Variants in RSRC1 observed in about 807,000 individuals in gnomAD.
RSRC1 encodes serine/Arginine-related protein 53.
RSRC1 carries 39 observed loss-of-function variants against 49.1 expected under a neutral mutation model. The observed-to-expected ratio is 0.79, with a 90% confidence interval of 0.61 to 1.04. The LOEUF (loss-of-function observed/expected upper bound fraction) is 1.04, where lower values mean the gene tolerates loss of function less well. RSRC1 is among the 50% of genes least tolerant of loss of function. The probability of loss-of-function intolerance (pLI) is 0.00; values close to 1 mark genes in which losing one functional copy is unlikely to be tolerated. For synonymous variants in RSRC1, 143 were observed against 130.8 expected (o/e 1.09, Z -0.63); for missense variants, 388 against 402.4 (o/e 0.96, Z 0.31).
At chr3:158,280,637 C>CTTTT (rs146925471) in intron 4 of RSRC1, among the ~76,000 whole-genome samples, 2 of 64,018 alleles carry the variant, frequency 3.1e-5, no homozygotes, top group African/African-American at 1.3e-4. Context: ...GAAGTGATTC[C>CTTTT]TTTTTTTTTT....
At chr3:158,189,693 G>T (rs1253326166) in intron 3 of RSRC1, among the ~76,000 whole-genome samples, 1 of 151,752 alleles carries the variant, frequency 6.6e-6, no homozygotes, top group Non-Finnish European at 1.5e-5. Flanking sequence ...CCTTCAGTTG[G>T]ACAATCTTTC....
At chr3:158,468,846 AAAGTT>A (rs1307105573) in intron 7 of RSRC1, among the ~76,000 whole-genome samples, 1 of 152,208 alleles carries the variant, frequency 6.6e-6, no homozygotes, top group Non-Finnish European at 1.5e-5. Context: ...AATTAATTAA[AAAGTT>A]AATAAAATTA....
intron 7 of RSRC1, among the ~76,000 whole-genome samples, chr3:158,493,377 G>A (rs1431420629): frequency 6.6e-6 from 1 of 152,120 alleles, no homozygotes; most frequent in Non-Finnish European, 1.5e-5. Context: ...GGTGAGAAGG[G>A]AAAGGGGAGA....
At chr3:158,124,403 G>T (rs1004363854) in intron 3 of RSRC1, among the ~76,000 whole-genome samples, 1 of 152,166 alleles carries the variant, frequency 6.6e-6, no homozygotes, top group Non-Finnish European at 1.5e-5. Context: ...TATTTGTCTG[G>T]CATTGGTATC....
chr3:158,141,470 A>G (rs566714555), intron 3 of RSRC1, among the ~76,000 whole-genome samples: 20 of 152,326 alleles, frequency 1.3e-4, no homozygotes, highest in East Asian at 3.9e-4. Context: ...CATTTATGCT[A>G]ATGTCAGAAA....
chr3:158,131,813 GA>G (rs1370580745), intron 3 of RSRC1, among the ~76,000 whole-genome samples: 1 of 151,916 alleles, frequency 6.6e-6, no homozygotes, highest in Non-Finnish European at 1.5e-5. Context: ...AGAAAATTAG[GA>G]AAATTTTTGT....
chr3:158,543,806 C>A (rs1713177442), intron 9 of RSRC1: 1 of 282,630 alleles, frequency 3.5e-6, no homozygotes. Context: ...GTTTAAAAAT[C>A]TAGCACTAAA....
chr3:158,124,761 G>A (rs1042283954), intron 3 of RSRC1, among the ~76,000 whole-genome samples: 1 of 150,214 alleles, frequency 6.7e-6, no homozygotes, highest in Non-Finnish European at 1.5e-5. Flanking sequence ...TGTAATGTCT[G>A]CTGTTTCATT....
At chr3:158,289,562 G>C (rs1726791239) in intron 4 of RSRC1, among the ~76,000 whole-genome samples, 2 of 152,136 alleles carry the variant, frequency 1.3e-5, no homozygotes, top group Non-Finnish European at 2.9e-5. Flanking sequence ...TAATCAGTCA[G>C]ATCAAAACTA....
At chr3:158,133,672 C>T (rs1288996362) in intron 3 of RSRC1, among the ~76,000 whole-genome samples, 9 of 151,976 alleles carry the variant, frequency 5.9e-5, no homozygotes, top group African/African-American at 1.2e-4. Flanking sequence ...ACACATATGG[C>T]GATATAAAGA....
intron 6 of RSRC1, among the ~76,000 whole-genome samples, chr3:158,447,018 G>GT (rs1010467672): frequency 6.6e-5 from 10 of 152,130 alleles, no homozygotes; most frequent in Admixed American, 5.2e-4. Flanking sequence ...TCTTTAACTA[G>GT]TAGGGGTATC....
chr3:158,422,344 T>C (rs1341073971), intron 6 of RSRC1, among the ~76,000 whole-genome samples: 1 of 147,546 alleles, frequency 6.8e-6, no homozygotes, highest in Non-Finnish European at 1.5e-5. Context: ...TTTGTTCTTG[T>C]GATAGTTTAC....
chr3:158,390,936 T>A (rs1405135579), intron 6 of RSRC1, among the ~76,000 whole-genome samples: 3 of 152,176 alleles, frequency 2.0e-5, no homozygotes, highest in African/African-American at 7.2e-5. Context: ...ATTAAATATA[T>A]TACAATGACT....
intron 4 of RSRC1, among the ~76,000 whole-genome samples, chr3:158,214,246 C>T (rs889623752): frequency 6.6e-6 from 1 of 151,688 alleles, no homozygotes; most frequent in African/African-American, 2.4e-5. Context: ...TTGGCTTATT[C>T]CATCTTAGTT....
At chr3:158,474,103 C>G (rs559434070) in intron 7 of RSRC1, among the ~76,000 whole-genome samples, 3 of 152,222 alleles carry the variant, frequency 2.0e-5, no homozygotes, top group Admixed American at 2.0e-4. Flanking sequence ...ACACAAATCA[C>G]TAACCACTAA....
intron 7 of RSRC1, among the ~76,000 whole-genome samples, chr3:158,478,758 G>A (rs1202614334): frequency 6.6e-6 from 1 of 151,930 alleles, no homozygotes; most frequent in Non-Finnish European, 1.5e-5. Flanking sequence ...AGAAATGATT[G>A]TGAATCAGAA....
intron 5 of RSRC1, among the ~76,000 whole-genome samples, chr3:158,352,445 A>G (rs964142269): frequency 2.6e-5 from 4 of 152,106 alleles, no homozygotes; most frequent in African/African-American, 9.7e-5. Context: ...ATTATTATGT[A>G]TTTATTTTCT....
intron 3 of RSRC1, among the ~76,000 whole-genome samples, chr3:158,155,205 G>A (rs1717788003): frequency 6.6e-6 from 1 of 151,998 alleles, no homozygotes; most frequent in South Asian, 2.1e-4. Flanking sequence ...TTTTCCAGAA[G>A]GTTTTCGATT....
chr3:158,401,279 A>C (rs1394169862), intron 6 of RSRC1, among the ~76,000 whole-genome samples: 1 of 152,028 alleles, frequency 6.6e-6, no homozygotes, highest in African/African-American at 2.4e-5. Flanking sequence ...CTGAGTTTTC[A>C]GGGAAGGAGA....
Sources: gnomAD v4.1 joint callset for allele counts (sites outside exome capture counted in the v4.1 genomes callset) on GRCh38, gnomAD v4.1.1 for gene constraint, MANE v1.5 for transcripts, NCBI Gene and HGNC (gene_info 2026-07-23, HGNC 2026-07-21) for gene names.